Variants in NRXN3 observed in about 807,000 individuals in gnomAD.
The protein encoded by NRXN3 is neurexin 3.
Under a neutral mutation model 137.6 loss-of-function variants are expected in NRXN3, and 32 were observed. That is an observed-to-expected ratio of 0.23 (90% CI 0.18 to 0.31). The LOEUF (loss-of-function observed/expected upper bound fraction) is 0.31, where lower values mean the gene tolerates loss of function less well. Ranked by LOEUF, NRXN3 falls within the 10% of genes least tolerant of loss-of-function variation. NRXN3 has a pLI of 1.00. For synonymous variants in NRXN3, 798 were observed against 784.5 expected (o/e 1.02, Z -0.29); for missense variants, 1,574 against 2,062.5 (o/e 0.76, Z 4.59).
chr14:78,758,864 T>C (rs1397961356), intron 8 of NRXN3, among the ~76,000 whole-genome samples: 2 of 152,176 alleles, frequency 1.3e-5, no homozygotes, highest in Admixed American at 1.3e-4. Flanking sequence ...ATCATCAGTG[T>C]CCTTCGCAAA....
intron 1 of NRXN3, among the ~76,000 whole-genome samples, chr14:78,195,687 T>A (rs1247097997): frequency 6.6e-6 from 1 of 152,086 alleles, no homozygotes; most frequent in Admixed American, 6.5e-5. Flanking sequence ...TAGGCTGGAA[T>A]GAGAGAGACT....
At chr14:79,772,409 G>A (rs1257858789) in intron 19 of NRXN3, among the ~76,000 whole-genome samples, 1 of 152,062 alleles carries the variant, frequency 6.6e-6, no homozygotes, top group African/African-American at 2.4e-5. Context: ...AAACAGCATG[G>A]TACTGGTACC....
intron 15 of NRXN3, among the ~76,000 whole-genome samples, chr14:79,255,530 A>C (rs1036896723): frequency 6.6e-6 from 1 of 152,254 alleles, no homozygotes; most frequent in African/African-American, 2.4e-5. Context: ...TCTTTGTAAA[A>C]TGGGAAAAAA....
At chr14:78,271,135 A>G (rs774762932) in intron 2 of NRXN3, among the ~76,000 whole-genome samples, 30 of 152,184 alleles carry the variant, frequency 2.0e-4, no homozygotes, top group Non-Finnish European at 4.0e-4. Flanking sequence ...AAAGTGCCAT[A>G]TTTATTGTAG....
intron 15 of NRXN3, among the ~76,000 whole-genome samples, chr14:79,387,648 G>A (rs1400294683): frequency 1.2e-5 from 1 of 83,720 alleles, no homozygotes; most frequent in Non-Finnish European, 3.0e-5. Flanking sequence ...AAAGACACAT[G>A]CACATGTATA....
intron 16 of NRXN3, among the ~76,000 whole-genome samples, chr14:79,567,857 C>T (rs1602228100): frequency 6.6e-6 from 1 of 152,068 alleles, no homozygotes; most frequent in Non-Finnish European, 1.5e-5. Flanking sequence ...CCATGAAACA[C>T]TCACTATAAG....
intron 16 of NRXN3, among the ~76,000 whole-genome samples, chr14:79,523,259 T>C (rs571519136): frequency 3.3e-5 from 5 of 152,310 alleles, no homozygotes; most frequent in Middle Eastern, 3.4e-3. Context: ...CTTCAGTAAG[T>C]ACAAAATGAA....
At position 79,861,702 on chromosome 14, in the gene NRXN3, C is replaced by T. The variant is rs950008632; in HGVS notation, c.4454C>T (p.Ala1485Val). 7 of 1,613,988 alleles carry T rather than the reference C, an allele frequency of 4.3e-6. No homozygotes were observed. In the African/African-American group the frequency reaches 5.3e-5, roughly 12 times the overall value. Residue 1485 changes from alanine (A) to valine (V), a missense_variant, in exon 21 of 21, where the codon GCC (alanine) becomes GTC (valine). By Grantham distance (64) the Ala-to-Val change is moderately conservative. Transcript: ENST00000335750. This position sits in a 1 kb window ranked among gnomAD's most constrained non-coding sequence, Gnocchi z 5.4. ...TEPGIRRVPG[A>V]SEVIRESSST... ...CCGGGAATCAGACGGGTTCCGGGGG[C>T]CTCAGAGGTGATCCGGGAGTCGAGC... is the stretch of plus-strand genomic sequence containing the variant.
At chr14:78,705,898 C>T (rs2098342278) in intron 6 of NRXN3, among the ~76,000 whole-genome samples, 1 of 152,208 alleles carries the variant, frequency 6.6e-6, no homozygotes, top group Admixed American at 6.5e-5. Flanking sequence ...TCTGTCTGGC[C>T]AGTTTCTGGC....
rs1411690446 is a variant in NRXN3, at chr14:78,897,866, T to C, written c.2276-59376T>C. Among the ~76,000 whole-genome samples the C allele has an allele frequency of 2.6e-5, 4 of 151,976 alleles. No homozygotes were observed. In the East Asian group the frequency reaches 7.8e-4, roughly 30 times the overall value. ...TCATCAGGGCTTCCTTGGCCTTCCATGGATGGCATATACCTTATTAATTTA... is the reference window on the plus strand; with the variant it reads ...TCATCAGGGCTTCCTTGGCCTTCCACGGATGGCATATACCTTATTAATTTA... On this transcript the variant is annotated intron_variant, in intron 10 of 20. Coordinates refer to ENST00000335750, the MANE Select transcript of NRXN3 (RefSeq NM_001330195.2).
intron 15 of NRXN3, among the ~76,000 whole-genome samples, chr14:79,181,822 G>C (rs2370932): frequency 6.6e-6 from 1 of 152,084 alleles, no homozygotes; most frequent in African/African-American, 2.4e-5. Context: ...CATCATAAGC[G>C]CTTTAAGGAG....
At chr14:78,739,985 C>T (rs2098557326) in intron 8 of NRXN3, among the ~76,000 whole-genome samples, 1 of 152,188 alleles carries the variant, frequency 6.6e-6, no homozygotes, top group African/African-American at 2.4e-5. Flanking sequence ...GCAATGGGTG[C>T]CACTTGCCTT....
At chr14:78,804,775 AAAAC>A (rs1178526441) in intron 9 of NRXN3, among the ~76,000 whole-genome samples, 5 of 152,196 alleles carry the variant, frequency 3.3e-5, no homozygotes, top group African/African-American at 9.6e-5. Flanking sequence ...TGGCAAGGAA[AAAAC>A]AAACAAACAC....
At chr14:79,379,625 T>G (rs974611510) in intron 15 of NRXN3, among the ~76,000 whole-genome samples, 13 of 152,120 alleles carry the variant, frequency 8.5e-5, no homozygotes, top group African/African-American at 3.1e-4. Context: ...TGGTGGGAGC[T>G]TCTATCTTTG....
chr14:78,866,622 A>C (rs569136342), intron 10 of NRXN3, among the ~76,000 whole-genome samples: 1 of 152,242 alleles, frequency 6.6e-6, no homozygotes, highest in African/African-American at 2.4e-5. Flanking sequence ...TCATAATGAA[A>C]TAGTGTTCCT....
intron 19 of NRXN3, among the ~76,000 whole-genome samples, chr14:79,701,226 A>G (rs1053110662): frequency 6.6e-6 from 1 of 152,076 alleles, no homozygotes; most frequent in Non-Finnish European, 1.5e-5. Flanking sequence ...TCCTCATATT[A>G]GCTTACATGA....
intron 16 of NRXN3, among the ~76,000 whole-genome samples, chr14:79,563,391 C>T (rs113911491): frequency 5.3e-5 from 8 of 151,978 alleles, no homozygotes; most frequent in African/African-American, 9.6e-5. Context: ...GAGGGACACC[C>T]GTTGTTGGTG....
At chr14:78,961,113 G>T (rs1038925341) in intron 11 of NRXN3, among the ~76,000 whole-genome samples, 1 of 151,658 alleles carries the variant, frequency 6.6e-6, no homozygotes, top group Non-Finnish European at 1.5e-5. Flanking sequence ...TGGAGAAAAG[G>T]ATTTGGGACC....
At chr14:79,053,016 C>T (rs2099644197) in intron 15 of NRXN3, among the ~76,000 whole-genome samples, 1 of 152,162 alleles carries the variant, frequency 6.6e-6, no homozygotes, top group Admixed American at 6.5e-5. Context: ...TCATGTTTCA[C>T]TCTCATCAAC....
Sources: allele counts gnomAD v4.1 joint callset (sites outside exome capture counted in the v4.1 genomes callset), GRCh38; gene constraint gnomAD v4.1.1; non-coding constraint Gnocchi (gnomAD v3.1); transcripts MANE v1.5; gene names NCBI Gene and HGNC (gene_info 2026-07-23, HGNC 2026-07-21).